Variants in DLGAP3 observed in about 807,000 individuals in gnomAD.
DLGAP3 encodes the protein DLG associated protein 3, also known as disks large-associated protein 3.
DLGAP3 carries 17 observed loss-of-function variants against 81.2 expected under a neutral mutation model. That is an observed-to-expected ratio of 0.21 (90% CI 0.14 to 0.31). DLGAP3 has a LOEUF of 0.31. DLGAP3 is among the 10% of genes least tolerant of loss of function. The probability of loss-of-function intolerance (pLI) is 1.00; values close to 1 mark genes in which losing one functional copy is unlikely to be tolerated. For missense variants in DLGAP3, 1,124 were observed against 1,388.0 expected (o/e 0.81, Z 3.02); for synonymous variants, 577 against 587.4 (o/e 0.98, Z 0.26).
At chr1:34,925,139 C>G (rs1639849572) in intron 1 of DLGAP3, among the ~76,000 whole-genome samples, 1 of 152,034 alleles carries the variant, frequency 6.6e-6, no homozygotes, top group East Asian at 1.9e-4. Flanking sequence ...CCCCTCTCCC[C>G]TGCCCCTCCC....
chr1:34,879,987 C>CA (rs1639121251), intron 8 of DLGAP3, among the ~76,000 whole-genome samples: 1 of 152,114 alleles, frequency 6.6e-6, no homozygotes, highest in Non-Finnish European at 1.5e-5. Flanking sequence ...CTCACCAAAA[C>CA]AAAAAACTAG....
rs764685938 is a variant in DLGAP3 at position 34,900,907 on chromosome 1, TGA to T, written c.1108-636_1108-635del. ...GAGGGGGAAGAGGAGGAGATGGAAA[TGA>T]GAGGTGTTAAGGAGCATCAGTGAGC... On this transcript the variant is annotated intron_variant, in intron 3 of 11. Transcript: ENST00000373347. This position sits in a 1 kb window ranked among gnomAD's most constrained non-coding sequence, Gnocchi z 5.6. 1.3e-5 allele frequency among the ~76,000 whole-genome samples: 2 copies of T among 149,446 alleles called. No homozygotes were observed. Among genetic ancestry groups the T allele is most frequent in the Non-Finnish European group, 3.0e-5 (2 of 67,448 alleles).
chr1:34,921,294 G>A (rs188609734), intron 1 of DLGAP3, among the ~76,000 whole-genome samples: 2 of 152,308 alleles, frequency 1.3e-5, no homozygotes, highest in African/African-American at 4.8e-5. Flanking sequence ...CTACGGAGGT[G>A]GGGCTGGCAA....
chr1:34,904,240 C>G lies in DLGAP3; in HGVS notation c.1107+37G>C. On this transcript the variant is annotated intron_variant, in intron 3 of 11. Coordinates refer to ENST00000373347, the MANE Select transcript of DLGAP3 (RefSeq NM_001080418.3). This position sits in a 1 kb window ranked among gnomAD's most constrained non-coding sequence, Gnocchi z 8.1. ...CCCTAGTTGACAAGACTGGTGAAGG[C>G]TAAGGACTCTGTTCCCCAACCCCAA... is the stretch of plus-strand genomic sequence containing the variant. 6.3e-7 allele frequency: 1 copy of G among 1,599,320 alleles called. No individual in the cohort carries two copies. The highest frequency in any genetic ancestry group is 1.7e-5 in the Admixed American group (1 of 60,020).
At chr1:34,898,835 A>T (rs1037120920) in intron 5 of DLGAP3, among the ~76,000 whole-genome samples, 2 of 152,212 alleles carry the variant, frequency 1.3e-5, no homozygotes, top group African/African-American at 4.8e-5. Flanking sequence ...TATGGAACTC[A>T]CATTTATAAA....
Position 34,866,160 on chromosome 1 carries a change from A to C in DLGAP3, c.2863T>G (p.Ser955Ala), listed in dbSNP as rs1323468202. The change falls in exon 12 of 12, where the codon TCC (serine) becomes GCC (alanine). Residue 955 changes from serine (S) to alanine (A), a missense_variant. Around this residue, in one of 9 missense-constraint regions of DLGAP3, gnomAD observed 133 missense variants for 171.1 expected, o/e 0.78. Transcript: ENST00000373347. The stretch of plus-strand genomic sequence containing the variant: ...TCGGTGGCCGAGCTGTGGCGGAAGG[A>C]AGCGGCGCGCTTGGCCGCCAGGAGC... ...KRLLAAKRAASFRHSSATESA... is the reference protein window; with the variant it reads ...KRLLAAKRAAAFRHSSATESA... 6.3e-7 allele frequency: 1 copy of C among 1,597,710 alleles called. No homozygotes were observed. Among genetic ancestry groups the C allele is most frequent in the Non-Finnish European group, 8.5e-7 (1 of 1,178,650 alleles).
rs1639470061 is a variant in DLGAP3 at position 34,902,163 on chromosome 1, C to T, written c.1108-1890G>A. On this transcript the variant is annotated intron_variant, in intron 3 of 11. Transcript: ENST00000373347. This position sits in a 1 kb window ranked among gnomAD's most constrained non-coding sequence, Gnocchi z 4.4. The stretch of plus-strand genomic sequence containing the variant: ...GTAAGTGAAGACGTGGGGGAGAGGA[C>T]TGGGGGAGGTAGGGAGGATTTAAAA... Among the ~76,000 whole-genome samples the T allele has an allele frequency of 1.3e-5, 2 of 151,066 alleles. No individual in the cohort carries two copies. The highest frequency in any genetic ancestry group is 6.6e-5 in the Admixed American group (1 of 15,172).
intron 3 of DLGAP3, among the ~76,000 whole-genome samples, chr1:34,903,360 T>C (rs1405991456): frequency 1.3e-5 from 2 of 152,232 alleles, no homozygotes; most frequent in Non-Finnish European, 2.9e-5. Flanking sequence ...GCAGCATCTG[T>C]ATCTTCATCT....
chr1:34,892,213 G>T, intron 5 of DLGAP3, among the ~76,000 whole-genome samples: 1 of 152,168 alleles, frequency 6.6e-6, no homozygotes, highest in East Asian at 1.9e-4. Flanking sequence ...GAAGAGTAGG[G>T]TAACTGAAAT....
intron 8 of DLGAP3, among the ~76,000 whole-genome samples, chr1:34,874,846 G>T (rs775683601): frequency 3.3e-5 from 5 of 152,024 alleles, no homozygotes; most frequent in Non-Finnish European, 7.4e-5. Flanking sequence ...TGGGCAGGGA[G>T]GGGGAAGGAC....
intron 1 of DLGAP3, among the ~76,000 whole-genome samples, chr1:34,910,971 T>G (rs1036686283): frequency 6.6e-6 from 1 of 152,040 alleles, no homozygotes; most frequent in African/African-American, 2.4e-5. Context: ...TGCTTTCGTT[T>G]ATGATATTTT....
At chr1:34,886,914 T>C (rs1388441932) in intron 5 of DLGAP3, among the ~76,000 whole-genome samples, 1 of 143,886 alleles carries the variant, frequency 6.9e-6, no homozygotes, top group African/African-American at 2.5e-5. Context: ...GTTATTAACC[T>C]ACCAGTGTCC....
Position 34,900,246 on chromosome 1 carries a change from G to A in DLGAP3, c.1135C>T (p.Pro379Ser), listed in dbSNP as rs377339687. 6.4e-5 allele frequency: 103 copies of A among 1,613,908 alleles called. No homozygotes were observed. Among genetic ancestry groups the A allele is most frequent in the Admixed American group, 2.0e-4 (12 of 60,008 alleles). The part of the protein sequence containing the change: ...QVPQDDWGGY[P>S]TGGKDGEIPC... ...ATCTCCCCATCCTTGCCACCGGTGG[G>A]GTAACCCCCCCAGTCATCTTGCGGC... Residue 379 changes from proline to serine, a missense_variant, in exon 4 of 12, where the codon CCC becomes TCC. This residue lies in a region of DLGAP3 where 357 missense variants were observed against 408.8 expected (regional missense o/e 0.87). Transcript: ENST00000373347. The surrounding 1 kb of genome is among the most constrained non-coding windows in gnomAD (Gnocchi z 5.6).
chr1:34,921,068 C>T (rs549551536), intron 1 of DLGAP3, among the ~76,000 whole-genome samples: 11 of 152,236 alleles, frequency 7.2e-5, no homozygotes, highest in South Asian at 2.1e-4. Context: ...GAAAAGCAAG[C>T]GCAATTGCCT....
rs6694493 is a variant in DLGAP3 at position 34,882,825 on chromosome 1, C to T, written c.2000+2153G>A. Among the ~76,000 whole-genome samples the T allele has an allele frequency of 5.5e-3, 841 of 152,292 alleles. 9 individuals carry two copies. The highest frequency in any genetic ancestry group is 0.019 in the African/African-American group (797 of 41,542). On this transcript the variant is annotated intron_variant, in intron 8 of 11. Transcript: ENST00000373347. ...CCATGCTCTGCATAACCTGCCCCTG[C>T]CTGTTCTCCAATTAACTCCCTTCCC...
intron 11 of DLGAP3, among the ~76,000 whole-genome samples, 158 bp downstream of exon 11, chr1:34,866,890 C>A (rs1222507996): frequency 6.6e-6 from 1 of 152,224 alleles, no homozygotes; most frequent in Non-Finnish European, 1.5e-5. Context: ...CGAGCGTGGT[C>A]ACTCTGGAAG....
Position 34,868,525 on chromosome 1 carries a change from C to G in DLGAP3, c.2485+80G>C. The G allele has an allele frequency of 7.9e-7, 1 of 1,270,756 alleles. No homozygotes were observed. The highest frequency in any genetic ancestry group is 1.1e-6 in the Non-Finnish European group (1 of 877,398). The allele number at this position is 1,270,756 out of a possible 1,614,324, so 78.7% of individuals were successfully genotyped here. On this transcript the variant is annotated intron_variant, in intron 9 of 11. Coordinates refer to ENST00000373347, the MANE Select transcript of DLGAP3 (RefSeq NM_001080418.3). This position sits in a 1 kb window ranked among gnomAD's most constrained non-coding sequence, Gnocchi z 7.5. ...GGGGCCTCCTGTTACACTGCAGCCC[C>G]AGCCACCCCCATCAGGGTCTCCTGA...
rs1032401681 is a variant in DLGAP3 at position 34,866,028 on chromosome 1, G to A, written c.*55C>T. The stretch of plus-strand genomic sequence containing the variant: ...GTTCACAGTGACCTCGACGCTGGGT[G>A]TACAGTACGGGTGGAGAACCGCGGG... On this transcript the variant is annotated 3_prime_UTR_variant, in exon 12 of 12. Coordinates refer to ENST00000373347, the MANE Select transcript of DLGAP3 (RefSeq NM_001080418.3). 6 of 1,468,994 alleles carry A rather than the reference G, an allele frequency of 4.1e-6. No homozygotes were observed. Among genetic ancestry groups the A allele is most frequent in the African/African-American group, 2.8e-5 (2 of 71,834 alleles). 91.0% of individuals were successfully genotyped at this position (1,468,994 alleles called of 1,614,324 possible). A position where few individuals can be genotyped will look rare whatever the true frequency, so the allele number is the denominator to read the frequency against.
intron 5 of DLGAP3, among the ~76,000 whole-genome samples, chr1:34,890,977 A>G (rs1464135754): frequency 6.6e-6 from 1 of 152,262 alleles, no homozygotes. Context: ...TCTCTGTTAA[A>G]GCAGCCAGTG....
Sources: allele counts gnomAD v4.1 joint callset (sites outside exome capture counted in the v4.1 genomes callset), GRCh38; gene constraint gnomAD v4.1.1; regional missense constraint gnomAD v4.1.1; non-coding constraint Gnocchi (gnomAD v3.1); transcripts MANE v1.5; gene names NCBI Gene and HGNC (gene_info 2026-07-23, HGNC 2026-07-21).